Variants in PCGF3 observed in about 807,000 individuals in gnomAD.
PCGF3 encodes the protein polycomb group ring finger 3.
PCGF3 carries 7 observed loss-of-function variants against 33.1 expected under a neutral mutation model. The ratio of observed to expected loss-of-function variants is 0.21; its 90% CI spans 0.12 to 0.40. The LOEUF (loss-of-function observed/expected upper bound fraction) is 0.40, where lower values mean the gene tolerates loss of function less well. PCGF3 is among the 10% of genes least tolerant of loss of function. The pLI is 1.00. For synonymous variants in PCGF3, 153 were observed against 121.3 expected (o/e 1.26, Z -1.72); for missense variants, 211 against 313.3 (o/e 0.67, Z 2.46).
intron 7 of PCGF3, chr4:743,970 G>A (rs1744205315): frequency 5.7e-6 from 1 of 176,206 alleles, no homozygotes; most frequent in Non-Finnish European, 1.2e-5. Context: ...GAAATCTGAG[G>A]GTATCACAAC....
intron 8 of PCGF3, chr4:757,649 C>T (rs1209862932): frequency 6.6e-6 from 1 of 152,162 alleles, no homozygotes; most frequent in Non-Finnish European, 1.5e-5. Context: ...TGGCACGTTA[C>T]CTTACACATT....
intron 4 of PCGF3, chr4:734,579 G>GT: frequency 3.4e-6 from 4 of 1,162,344 alleles, no homozygotes; most frequent in Non-Finnish European, 4.3e-6. Flanking sequence ...AGAAGATACT[G>GT]TCATCTTTTA....
intron 8 of PCGF3, 57 bp from the exon 9 acceptor site, chr4:761,222 C>G: frequency 6.8e-7 from 1 of 1,476,070 alleles, no homozygotes; most frequent in South Asian, 1.4e-5. Context: ...AAGGAAGCCT[C>G]CAGAACCGTC....
chr4:753,242 G>A (rs908789222), intron 8 of PCGF3, among the ~76,000 whole-genome samples: 2 of 152,228 alleles, frequency 1.3e-5, no homozygotes, highest in African/African-American at 4.8e-5. Flanking sequence ...GGAGTATAGT[G>A]GTGCAATCTC....
chr4:734,029 C>T (rs1334110111), intron 4 of PCGF3: 9 of 1,550,606 alleles, frequency 5.8e-6, no homozygotes, highest in Non-Finnish European at 7.8e-6. Flanking sequence ...CAGGAGAGAC[C>T]CCACATTCCT....
At chr4:743,046 G>T (rs989660759) in intron 6 of PCGF3, among the ~76,000 whole-genome samples, 3 of 152,232 alleles carry the variant, frequency 2.0e-5, no homozygotes, top group African/African-American at 7.2e-5. Flanking sequence ...AGCTGCGGGT[G>T]TCCAGGCAGT....
intron 5 of PCGF3, among the ~76,000 whole-genome samples, chr4:737,241 CATT>C (rs1560206939): frequency 6.6e-6 from 1 of 152,200 alleles, no homozygotes; most frequent in Non-Finnish European, 1.5e-5. Context: ...CCTTCTCTGT[CATT>C]ATTTGAAATG....
At chr4:741,810 C>T (rs1051471459) in intron 6 of PCGF3, among the ~76,000 whole-genome samples, 2 of 152,066 alleles carry the variant, frequency 1.3e-5, no homozygotes, top group Non-Finnish European at 2.9e-5. Context: ...GAACTAGAGC[C>T]AAGGGTCAGG....
At chr4:711,251 C>A (rs1053317842) in intron 1 of PCGF3, among the ~76,000 whole-genome samples, 1 of 152,208 alleles carries the variant, frequency 6.6e-6, no homozygotes, top group Non-Finnish European at 1.5e-5. Flanking sequence ...GTGGCAAAAT[C>A]GAGGAGCTGC....
intron 1 of PCGF3, among the ~76,000 whole-genome samples, chr4:713,309 C>G (rs1742660273): frequency 1.1e-5 from 1 of 90,324 alleles, no homozygotes; most frequent in South Asian, 4.4e-4. Context: ...GGGGCTGTAG[C>G]CTTGTGGGTC....
intron 4 of PCGF3, chr4:734,151 TTCACACCTGATGTGCGTCC>T (rs374232492): frequency 0.014 from 21,573 of 1,549,908 alleles, 183 homozygotes; most frequent in Non-Finnish European, 0.017. Context: ...CAGTGTGTTC[TTCACACCTGATGTGCGTCC>T]TCACACCTGA....
At chr4:715,940 G>A (rs1257736782) in intron 1 of PCGF3, among the ~76,000 whole-genome samples, 46 of 115,288 alleles carry the variant, frequency 4.0e-4, no homozygotes, top group South Asian at 7.2e-4. Flanking sequence ...TAGACACTGA[G>A]GGTGAGAACT....
intron 6 of PCGF3, among the ~76,000 whole-genome samples, chr4:742,389 G>A (rs957346534): frequency 1.3e-5 from 2 of 152,250 alleles, no homozygotes; most frequent in African/African-American, 4.8e-5. Context: ...GCCTGGCCGA[G>A]CTCATGGTAT....
chr4:710,213 G>T (rs950980676), intron 1 of PCGF3, among the ~76,000 whole-genome samples: 1 of 152,216 alleles, frequency 6.6e-6, no homozygotes, highest in Non-Finnish European at 1.5e-5. Flanking sequence ...ATCTGGGGTT[G>T]TGTCTCCTCT....
intron 1 of PCGF3, among the ~76,000 whole-genome samples, chr4:728,584 C>A (rs558566336): frequency 8.2e-4 from 125 of 152,292 alleles, no homozygotes; most frequent in Non-Finnish European, 1.4e-3. Context: ...TGGAACTAGT[C>A]CCCCACGGAT....
intron 1 of PCGF3, among the ~76,000 whole-genome samples, chr4:709,321 A>C (rs55971041): frequency 3.7e-3 from 365 of 98,630 alleles, no homozygotes; most frequent in Middle Eastern, 0.024. Flanking sequence ...TGCATGAACA[A>C]ATGAATGAAA....
intron 8 of PCGF3, among the ~76,000 whole-genome samples, chr4:754,328 G>A (rs1001197420): frequency 7.2e-5 from 11 of 152,172 alleles, no homozygotes; most frequent in East Asian, 1.9e-4. Flanking sequence ...CCGCACCCTC[G>A]GGCACGCGCT....
chr4:766,055 C>G lies in PCGF3; in HGVS notation c.705C>G (p.Tyr235Ter). 1 of 1,614,160 alleles carries G rather than the reference C, an allele frequency of 6.2e-7. No individual in the cohort carries two copies. Among genetic ancestry groups the G allele is most frequent in the Non-Finnish European group, 8.5e-7 (1 of 1,180,000 alleles). ...AGAAGGCGCCGCTCCTGCTGCACTA[C>G]AGACCCAAGATGGACTTGCTGTGAA... The change falls in exon 11 of 11, where the codon TAC becomes TAG. Residue 235 changes from tyrosine (Y) to a stop codon, truncating the protein, a stop_gained. Transcript: ENST00000362003. LOFTEE classifies it high-confidence loss of function.
chr4:753,888 G>A (rs371459846), intron 8 of PCGF3, among the ~76,000 whole-genome samples: 7 of 151,270 alleles, frequency 4.6e-5, no homozygotes, highest in African/African-American at 1.5e-4. Context: ...AGCTGAGATC[G>A]AGGCACTGCA....
Sources: gnomAD v4.1 joint callset for allele counts (sites outside exome capture counted in the v4.1 genomes callset) on GRCh38, gnomAD v4.1.1 for gene constraint, MANE v1.5 for transcripts, NCBI Gene and HGNC (gene_info 2026-07-23, HGNC 2026-07-21) for gene names.